Variants in DLG1 observed in about 807,000 individuals in gnomAD.
The protein encoded by DLG1 is disks large homolog 1.
A neutral mutation model predicts 123.4 loss-of-function variants in DLG1; 42 were observed. The ratio of observed to expected loss-of-function variants is 0.34; its 90% CI spans 0.27 to 0.44. The LOEUF (loss-of-function observed/expected upper bound fraction) is 0.44. Ranked by LOEUF, DLG1 falls within the 20% of genes least tolerant of loss-of-function variation. The pLI is 1.00. For synonymous variants in DLG1, 317 were observed against 356.2 expected (o/e 0.89, Z 1.24); for missense variants, 942 against 1,082.6 (o/e 0.87, Z 1.82).
At chr3:197,297,652 G>C (rs1778156300) in intron 1 of DLG1, 9 of 994,136 alleles carry the variant, frequency 9.1e-6, no homozygotes, top group South Asian at 4.4e-5. Flanking sequence ...CGCCCTGCTC[G>C]GGCCCCCTCC....
intron 4 of DLG1, among the ~76,000 whole-genome samples, chr3:197,226,762 A>C (rs1301863254): frequency 6.6e-6 from 1 of 152,230 alleles, no homozygotes; most frequent in Non-Finnish European, 1.5e-5. Context: ...TACCATATGG[A>C]AAGTTTAAAA....
At chr3:197,130,699 GAC>G (rs761248980) in intron 10 of DLG1, 28 bp from the exon 11 acceptor site, 21 of 1,548,058 alleles carry the variant, frequency 1.4e-5, no homozygotes, top group Non-Finnish European at 1.7e-5. Flanking sequence ...AGACATTTAT[GAC>G]ATATTCACTT....
intron 4 of DLG1, among the ~76,000 whole-genome samples, chr3:197,238,326 ATG>A (rs1365766895): frequency 2.0e-5 from 3 of 152,242 alleles, no homozygotes; most frequent in African/African-American, 7.2e-5. Flanking sequence ...GACACCACAG[ATG>A]TTAGACTTAC....
rs142889394 is a variant in DLG1, at chr3:197,279,516, C to T, written c.318+3163G>A. 1.1e-4 allele frequency among the ~76,000 whole-genome samples: 17 copies of T among 152,268 alleles called. No homozygotes were observed. The East Asian group carries it at 1.9e-3, about 17-fold the overall frequency. ...ACATTACTACAGCATTTTCCATGTG[C>T]CATGCGCTAAACAACACTCTGTGAC... On this transcript the variant is annotated intron_variant, in intron 4 of 24. Coordinates refer to ENST00000667157, the MANE Select transcript of DLG1 (RefSeq NM_001366207.1).
chr3:197,159,350 A>C (rs1797852535), intron 5 of DLG1, among the ~76,000 whole-genome samples: 1 of 152,164 alleles, frequency 6.6e-6, no homozygotes, highest in Admixed American at 6.5e-5. Context: ...CTTTTTAAAA[A>C]GTTTTCATCT....
intron 6 of DLG1, among the ~76,000 whole-genome samples, chr3:197,148,756 G>A (rs1251623114): frequency 6.6e-6 from 1 of 151,902 alleles, no homozygotes; most frequent in African/African-American, 2.4e-5. Context: ...TTGTGATGTT[G>A]GATTATGCAA....
chr3:197,099,478 C>T (rs1762337076), intron 14 of DLG1, among the ~76,000 whole-genome samples: 1 of 152,224 alleles, frequency 6.6e-6, no homozygotes, highest in Non-Finnish European at 1.5e-5. Context: ...CTCCATTCAA[C>T]ATCTCAAAAA....
At chr3:197,084,766 T>TTATA (rs1417158106) in intron 16 of DLG1, among the ~76,000 whole-genome samples, 30 of 151,710 alleles carry the variant, frequency 2.0e-4, no homozygotes, top group Admixed American at 3.9e-4. Flanking sequence ...TGTGTATATT[T>TTATA]TATATATATA....
intron 4 of DLG1, among the ~76,000 whole-genome samples, chr3:197,248,380 C>A (rs1752798322): frequency 6.6e-6 from 1 of 152,144 alleles, no homozygotes; most frequent in Admixed American, 6.6e-5. Flanking sequence ...CCCCTGAGGC[C>A]ACCACAATGA....
At chr3:197,228,176 A>G (rs1740947312) in intron 4 of DLG1, among the ~76,000 whole-genome samples, 1 of 152,244 alleles carries the variant, frequency 6.6e-6, no homozygotes. Context: ...CTACCAAGTA[A>G]ACTCATTTTG....
chr3:197,220,119 G>A (rs1279503569), intron 4 of DLG1, among the ~76,000 whole-genome samples: 3 of 152,200 alleles, frequency 2.0e-5, no homozygotes, highest in South Asian at 2.1e-4. Context: ...AATGCCTTAC[G>A]GGCAGATTTC....
chr3:197,297,259 A>G lies in DLG1; in HGVS notation c.-31-24T>C. On this transcript the variant is annotated intron_variant, in intron 1 of 24. Transcript: ENST00000667157. ...ACCTTTAAAACACACAACGGAAAGG[A>G]AAAAGGATAGAATCATGTTAAACTA... 6 of 1,612,728 alleles carry G rather than the reference A, an allele frequency of 3.7e-6. No homozygotes were observed. The African/African-American group carries it at 5.3e-5, about 14-fold the overall frequency.
chr3:197,144,241 C>T (rs1789526280), intron 6 of DLG1, among the ~76,000 whole-genome samples: 1 of 152,134 alleles, frequency 6.6e-6, no homozygotes, highest in Admixed American at 6.6e-5. Context: ...TCATCTGATG[C>T]CTGATAGTAT....
At chr3:197,213,001 C>T (rs1298073839) in intron 4 of DLG1, among the ~76,000 whole-genome samples, 2 of 152,162 alleles carry the variant, frequency 1.3e-5, no homozygotes, top group African/African-American at 4.8e-5. Flanking sequence ...CTGGGACTCT[C>T]ATCAACTGCC....
At chr3:197,220,506 T>C (rs887999842) in intron 4 of DLG1, among the ~76,000 whole-genome samples, 3 of 152,124 alleles carry the variant, frequency 2.0e-5, no homozygotes, top group Non-Finnish European at 4.4e-5. Context: ...TAAATGGATA[T>C]AGGAGAACAA....
chr3:197,183,950 C>T, intron 5 of DLG1: 1 of 1,429,252 alleles, frequency 7.0e-7, no homozygotes. Context: ...AGAAATGATG[C>T]TCATTTTCTC....
intron 4 of DLG1, among the ~76,000 whole-genome samples, chr3:197,198,542 A>G (rs904873738): frequency 1.1e-4 from 16 of 152,044 alleles, no homozygotes; most frequent in African/African-American, 3.9e-4. Flanking sequence ...TACAAATAAT[A>G]TATTTCATAA....
At chr3:197,058,420 C>T (rs1226433725) in intron 23 of DLG1, among the ~76,000 whole-genome samples, 3 of 65,114 alleles carry the variant, frequency 4.6e-5, no homozygotes, top group African/African-American at 1.8e-4. Flanking sequence ...AGCCTCCAAA[C>T]TCTACTTGGC....
At chr3:197,197,010 T>C (rs1160999537) in intron 4 of DLG1, among the ~76,000 whole-genome samples, 2 of 152,224 alleles carry the variant, frequency 1.3e-5, no homozygotes, top group African/African-American at 4.8e-5. Flanking sequence ...AAAAGCCTCA[T>C]TCTTGAAAGA....
Sources: allele counts gnomAD v4.1 joint callset (sites outside exome capture counted in the v4.1 genomes callset), GRCh38; gene constraint gnomAD v4.1.1; transcripts MANE v1.5; gene names NCBI Gene and HGNC (gene_info 2026-07-23, HGNC 2026-07-21).